KLHL40: variants seen among roughly 807,000 people sequenced by gnomAD.
KLHL40 encodes the protein kelch-like protein 40.
A neutral mutation model predicts 49.7 loss-of-function variants in KLHL40; 44 were observed. That is an observed-to-expected ratio of 0.89 (90% CI 0.70 to 1.14). The LOEUF (loss-of-function observed/expected upper bound fraction) is 1.14, where lower values mean the gene tolerates loss of function less well. Ranked by LOEUF, KLHL40 falls within the 50% of genes most tolerant of loss-of-function variation. KLHL40 has a pLI of 0.00. For synonymous variants in KLHL40, 409 were observed against 365.2 expected, an observed-to-expected ratio of 1.12 and a Z score of -1.37; for missense variants, 892 against 850.3, an observed-to-expected ratio of 1.05 and a Z score of -0.61.
intron 4 of KLHL40, among the ~76,000 whole-genome samples, chr3:42,690,449 GAGA>G (rs947506035): frequency 5.3e-5 from 8 of 152,304 alleles, no homozygotes; most frequent in African/African-American, 1.4e-4. Context: ...GCTGTGAAGG[GAGA>G]AGAAGGATAG....
chr3:42,689,700 T>TGGAGCTGGGGGCACAGC (rs1366189014), intron 4 of KLHL40, among the ~76,000 whole-genome samples: 2 of 151,958 alleles, frequency 1.3e-5, no homozygotes, highest in Non-Finnish European at 2.9e-5. Context: ...GATAAAGGCC[T>TGGAGCTGGGGGCACAGC]GGAGCTGGGG....
In KLHL40 at chr3:42,692,194, C is replaced by T. The variant is rs1697383020; in HGVS notation, c.*201C>T. ...TTGGGCAAGGGTGAGAAACTAGAGGCTTCTCCAGTGTTGCCATATCCCCCT... is the reference window on the plus strand; with the variant it reads ...TTGGGCAAGGGTGAGAAACTAGAGGTTTCTCCAGTGTTGCCATATCCCCCT... On this transcript the variant is annotated 3_prime_UTR_variant, in exon 6 of 6. Transcript: ENST00000287777. The T allele has an allele frequency of 3.5e-6, 2 of 566,786 alleles. No individual in the cohort carries two copies. The highest frequency in any genetic ancestry group is 6.3e-6 in the Non-Finnish European group (2 of 316,328). 35.1% of individuals were successfully genotyped at this position (566,786 alleles called of 1,614,324 possible).
rs1225508809 is a variant in KLHL40, at chr3:42,688,699, G to A, written c.1403G>A (p.Gly468Asp). Residue 468 changes from glycine (G) to aspartate (D), a missense_variant, in exon 3 of 6, where the codon GGC becomes GAC. Transcript: ENST00000287777. The surrounding 1 kb of genome is among the most constrained non-coding windows in gnomAD (Gnocchi z 4.2). ...CACATGGACCTTGTCTACGTAATTG[G>A]CGGCAAAGGCAGTGACAGGTGAGGC... Reference protein sequence around the residue: ...LSHMDLVYVIGGKGSDRKCLN... With the variant: ...LSHMDLVYVIDGKGSDRKCLN... 2 of 1,613,854 alleles carry A rather than the reference G, an allele frequency of 1.2e-6. No homozygotes were observed. Among genetic ancestry groups the A allele is most frequent in the Admixed American group, 3.3e-5 (2 of 60,022 alleles).
intron 5 of KLHL40, among the ~76,000 whole-genome samples, chr3:42,691,605 C>T (rs1239287101): frequency 4.6e-5 from 7 of 151,978 alleles, no homozygotes; most frequent in Non-Finnish European, 8.8e-5. Flanking sequence ...GTGGTGTGGG[C>T]AGTGTAGACC....
chr3:42,690,855 C>G lies in KLHL40; in HGVS notation c.1608-4C>G, dbSNP rs2125846065. 6.3e-7 allele frequency: 1 copy of G among 1,598,046 alleles called. No individual in the cohort carries two copies. The highest frequency in any genetic ancestry group is 8.5e-7 in the Non-Finnish European group (1 of 1,171,882). ...CAATGATGCACCTTCTCACACACCC[C>G]CAGGTGGGCACCCTTCGAGGCCTTC... On this transcript the variant is annotated splice_region_variant and splice_polypyrimidine_tract_variant and intron_variant, in intron 4 of 5. Coordinates refer to ENST00000287777, the MANE Select transcript of KLHL40 (RefSeq NM_152393.4).
At chr3:42,689,424 G>A (rs1575220877) in intron 4 of KLHL40, among the ~76,000 whole-genome samples, 1 of 152,300 alleles carries the variant, frequency 6.6e-6, no homozygotes, top group African/African-American at 2.4e-5. Flanking sequence ...CAAAAGGGGT[G>A]AGGGTGGTGG....
Position 42,686,712 on chromosome 3 carries a change from G to A in KLHL40, c.1094G>A (p.Gly365Glu). 1 of 1,613,470 alleles carries A rather than the reference G, an allele frequency of 6.2e-7. No individual in the cohort carries two copies. Among genetic ancestry groups the A allele is most frequent in the South Asian group, 1.1e-5 (1 of 91,086 alleles). The stretch of plus-strand genomic sequence containing the variant: ...AAGGAGAACCAGGTCTTCGTGGCTG[G>A]AGGCCTCTTCTACAACGAAGACAAC... ...VTKENQVFVA[G>E]GLFYNEDNKE... Residue 365 changes from glycine to glutamate, a missense_variant, in exon 1 of 6, where the codon GGA becomes GAA. Physicochemically the swap from Gly to Glu is moderately conservative, Grantham distance 98. Transcript: ENST00000287777.
chr3:42,686,454 G>A lies in KLHL40; in HGVS notation c.836G>A (p.Gly279Glu). 3 of 1,613,980 alleles carry A rather than the reference G, an allele frequency of 1.9e-6. No individual in the cohort carries two copies. Among genetic ancestry groups the A allele is most frequent in the East Asian group, 2.2e-5 (1 of 44,880 alleles). ...AAAAAGAAGGGGAAGGATGGAGCCG[G>A]GGCCAAGGAGGCTGATAAGGGCACA... is the stretch of plus-strand genomic sequence containing the variant. The part of the protein sequence containing the change: ...RKKKKGKDGA[G>E]AKEADKGTSK... The change falls in exon 1 of 6, where the codon GGG becomes GAG. Residue 279 changes from glycine to glutamate, a missense_variant. By Grantham distance (98) the Gly-to-Glu change is moderately conservative (BLOSUM62 -2). Coordinates refer to ENST00000287777, the MANE Select transcript of KLHL40 (RefSeq NM_152393.4).
At chr3:42,690,135 G>C (rs1330343833) in intron 4 of KLHL40, among the ~76,000 whole-genome samples, 1 of 152,192 alleles carries the variant, frequency 6.6e-6, no homozygotes, top group Non-Finnish European at 1.5e-5. Context: ...AGAGGGCTGA[G>C]CTGGAGGGAG....
chr3:42,690,910 C>G lies in KLHL40; in HGVS notation c.1659C>G (p.Val553=). Residue 553 remains valine, a synonymous_variant, in exon 5 of 6, where the codon GTC becomes GTG. Transcript: ENST00000287777. ...FPQERSSLSL[V]SLVGTLYAIG... is the part of the protein sequence containing the mutation. ...AGGAGCGTAGCTCACTCAGCCTGGT[C>G]AGCCTGGTGGGTACCCTCTATGCCA... 6.2e-7 allele frequency: 1 copy of G among 1,613,728 alleles called. No homozygotes were observed. The highest frequency in any genetic ancestry group is 8.5e-7 in the Non-Finnish European group (1 of 1,179,758).
Position 42,690,997 on chromosome 3 carries a change from C to T in KLHL40, c.1746C>T (p.Asp582=). Residue 582 remains aspartate, a synonymous_variant, in exon 5 of 6, where the codon GAC becomes GAT. Transcript: ENST00000287777. ...SGELVPTELN[D]IWRYNEEEKK... ...AGCTGGTTCCCACAGAGCTCAATGA[C>T]ATCTGGAGGTGAGTCCCACCCTGGG... The T allele has an allele frequency of 6.2e-7, 1 of 1,608,872 alleles. No homozygotes were observed. The highest frequency in any genetic ancestry group is 8.5e-7 in the Non-Finnish European group (1 of 1,177,170).
chr3:42,686,973 T>C (rs897113945), intron 1 of KLHL40, among the ~76,000 whole-genome samples: 1 of 152,106 alleles, frequency 6.6e-6, no homozygotes, highest in Non-Finnish European at 1.5e-5. Context: ...CAGCATAACT[T>C]TGGTATCTTA....
chr3:42,690,798 C>G, intron 4 of KLHL40, 61 bp from the exon 5 acceptor site: 1 of 1,523,734 alleles, frequency 6.6e-7, no homozygotes, highest in Non-Finnish European at 8.8e-7. Flanking sequence ...TGCTGGGTGG[C>G]AGGGACAGTC....
intron 4 of KLHL40, 118 bp from the exon 5 acceptor site, chr3:42,690,741 G>T (rs1697349999): frequency 1.9e-6 from 2 of 1,074,308 alleles, no homozygotes; most frequent in Non-Finnish European, 2.7e-6. Flanking sequence ...TTGGGGGCAT[G>T]GGTGCCTGGG....
At chr3:42,691,629 A>C (rs1011520551) in intron 5 of KLHL40, among the ~76,000 whole-genome samples, 6 of 151,862 alleles carry the variant, frequency 4.0e-5, no homozygotes, top group Non-Finnish European at 2.9e-5. Flanking sequence ...CTGGAGGGGA[A>C]CTTTGAGGAA....
chr3:42,692,282 C>A lies in KLHL40; in HGVS notation c.*289C>A. On this transcript the variant is annotated 3_prime_UTR_variant, in exon 6 of 6. Transcript: ENST00000287777. ...TATCCCAGGCCGTGTGCTGGCCCTG[C>A]CCCAGCCTAGCTGAGTGTGCTGGCA... 1 of 475,870 alleles carries A rather than the reference C, an allele frequency of 2.1e-6. No homozygotes were observed. Among genetic ancestry groups the A allele is most frequent in the Non-Finnish European group, 3.8e-6 (1 of 262,900 alleles). The allele number at this position is 475,870 out of a possible 1,614,324, so 29.5% of individuals were successfully genotyped here.
At chr3:42,689,330 A>G (rs1487221080) in intron 4 of KLHL40, among the ~76,000 whole-genome samples, 1 of 152,160 alleles carries the variant, frequency 6.6e-6, no homozygotes, top group East Asian at 1.9e-4. Flanking sequence ...TGCAAGGGAT[A>G]TAGCAGTGAA....
chr3:42,686,709 C>G lies in KLHL40; in HGVS notation c.1091C>G (p.Ala364Gly). 1 of 1,613,490 alleles carries G rather than the reference C, an allele frequency of 6.2e-7. No individual in the cohort carries two copies. Among genetic ancestry groups the G allele is most frequent in the South Asian group, 1.1e-5 (1 of 91,084 alleles). Residue 364 changes from alanine (A) to glycine (G), a missense_variant, in exon 1 of 6, where the codon GCT becomes GGT. By Grantham distance (60) the Ala-to-Gly change is moderately conservative. Coordinates refer to ENST00000287777, the MANE Select transcript of KLHL40 (RefSeq NM_152393.4). ...LVTKENQVFV[A>G]GGLFYNEDNK... is the part of the protein sequence containing the mutation. Reference sequence around the variant, plus strand: ...ACCAAGGAGAACCAGGTCTTCGTGGCTGGAGGCCTCTTCTACAACGAAGAC... The same window carrying G: ...ACCAAGGAGAACCAGGTCTTCGTGGGTGGAGGCCTCTTCTACAACGAAGAC...
chr3:42,691,706 G>C (rs1280161237), intron 5 of KLHL40, among the ~76,000 whole-genome samples, 176 bp from the exon 6 acceptor site: 1 of 151,890 alleles, frequency 6.6e-6, no homozygotes, highest in Non-Finnish European at 1.5e-5. Context: ...TGTGGGGTGG[G>C]TGTTCCTTGG....
Sources: allele counts gnomAD v4.1 joint callset (sites outside exome capture counted in the v4.1 genomes callset), GRCh38; gene constraint gnomAD v4.1.1; non-coding constraint Gnocchi (gnomAD v3.1); transcripts MANE v1.5; gene names NCBI Gene and HGNC (gene_info 2026-07-23, HGNC 2026-07-21).